Variants in SDK1 observed in about 807,000 individuals in gnomAD.
The protein encoded by SDK1 is protein sidekick-1.
A neutral mutation model predicts 245.5 loss-of-function variants in SDK1; 157 were observed. The observed-to-expected ratio is 0.64, with a 90% CI of 0.56 to 0.73. The LOEUF (loss-of-function observed/expected upper bound fraction) is 0.73. Ranked by LOEUF, SDK1 falls within the 30% of genes least tolerant of loss-of-function variation. The pLI, the probability that SDK1 is intolerant of heterozygous loss-of-function variation, is 0.00. For missense variants in SDK1, 3,583 were observed against 3,002.3 expected (o/e 1.19, Z -4.52); for synonymous variants, 1,647 against 1,278.5 (o/e 1.29, Z -6.15).
chr7:3,381,983 C>A (rs1041294531), intron 1 of SDK1, among the ~76,000 whole-genome samples: 1 of 152,194 alleles, frequency 6.6e-6, no homozygotes, highest in Non-Finnish European at 1.5e-5. Context: ...CTTAACCGTT[C>A]GTCTTAAAGT....
intron 1 of SDK1, among the ~76,000 whole-genome samples, chr7:3,589,036 C>G (rs982170451): frequency 6.6e-6 from 1 of 152,178 alleles, no homozygotes; most frequent in Non-Finnish European, 1.5e-5. Flanking sequence ...CATATTAGAT[C>G]AATATTAGCT....
intron 1 of SDK1, among the ~76,000 whole-genome samples, chr7:3,341,746 T>G (rs1297878849): frequency 6.6e-6 from 1 of 152,244 alleles, no homozygotes; most frequent in African/African-American, 2.4e-5. Context: ...GTAGGATATT[T>G]GTGCTGAAAA....
chr7:3,431,028 A>G (rs112244633), intron 1 of SDK1, among the ~76,000 whole-genome samples: 25,296 of 152,068 alleles, frequency 0.17, 3,454 homozygotes, highest in African/African-American at 0.38. Flanking sequence ...AGCCTCCTGA[A>G]TAGCTGAGAC....
chr7:3,318,020 C>T (rs912547216), intron 1 of SDK1, among the ~76,000 whole-genome samples: 18 of 152,154 alleles, frequency 1.2e-4, no homozygotes, highest in Non-Finnish European at 1.9e-4. Flanking sequence ...GAGGCTATCA[C>T]TGTTTCCAGT....
intron 25 of SDK1, among the ~76,000 whole-genome samples, chr7:4,116,481 C>A (rs1783718510): frequency 2.0e-5 from 3 of 152,190 alleles, no homozygotes; most frequent in African/African-American, 7.2e-5. Flanking sequence ...TGGATAAAGG[C>A]TCCTCTCATC....
intron 43 of SDK1, 123 bp from the exon 44 acceptor site, chr7:4,245,542 TTGCCAAAGTGA>T (rs1392722926): frequency 1.6e-4 from 159 of 1,012,134 alleles, no homozygotes; most frequent in Admixed American, 2.7e-4. Flanking sequence ...TTTGCATCAG[TTGCCAAAGTGA>T]TGTCAAAGGC....
chr7:3,694,889 A>G, intron 4 of SDK1, among the ~76,000 whole-genome samples: 1 of 152,204 alleles, frequency 6.6e-6, no homozygotes, highest in Non-Finnish European at 1.5e-5. Flanking sequence ...TAACAAACAC[A>G]CGTACAAACA....
chr7:3,811,601 A>G lies in SDK1; in HGVS notation c.714-9849A>G, dbSNP rs1779384790. Among the ~76,000 whole-genome samples, 10 of 152,088 alleles carry G rather than the reference A, an allele frequency of 6.6e-5. 1 individual carries two copies. The highest frequency in any genetic ancestry group is 6.5e-4 in the Admixed American group (10 of 15,268). ...GTCCCTCTGTGCCTCTTTTCTGACC[A>G]CCCACCAAAGCCCCTCTCTGCTGCT... On this transcript the variant is annotated intron_variant, in intron 4 of 44. Coordinates refer to ENST00000404826, the MANE Select transcript of SDK1 (RefSeq NM_152744.4).
intron 4 of SDK1, among the ~76,000 whole-genome samples, chr7:3,811,073 C>T (rs971282589): frequency 6.6e-6 from 1 of 152,254 alleles, no homozygotes; most frequent in South Asian, 2.1e-4. Context: ...TCTTACTTGC[C>T]AGTCACATTC....
At chr7:3,715,832 C>T (rs902446830) in intron 4 of SDK1, among the ~76,000 whole-genome samples, 1 of 152,120 alleles carries the variant, frequency 6.6e-6, no homozygotes, top group African/African-American at 2.4e-5. Context: ...AGTGAGTCAG[C>T]TGTTGCAATT....
At chr7:3,922,383 G>A (rs189709245) in intron 5 of SDK1, among the ~76,000 whole-genome samples, 5 of 152,290 alleles carry the variant, frequency 3.3e-5, no homozygotes, top group African/African-American at 1.2e-4. Flanking sequence ...GCTTGAAATC[G>A]GCTGTGCCGG....
At chr7:3,500,023 G>A (rs1321675225) in intron 1 of SDK1, among the ~76,000 whole-genome samples, 2 of 152,198 alleles carry the variant, frequency 1.3e-5, no homozygotes, top group Non-Finnish European at 2.9e-5. Context: ...ATTAGGACAA[G>A]TAGCCATAGG....
At chr7:3,992,053 G>T (rs555416424) in intron 14 of SDK1, among the ~76,000 whole-genome samples, 13 of 152,312 alleles carry the variant, frequency 8.5e-5, no homozygotes, top group South Asian at 4.1e-4. Flanking sequence ...TGTCCCTCCG[G>T]CTACTTGGGA....
chr7:3,680,941 C>T lies in SDK1; in HGVS notation c.713+38836C>T, dbSNP rs374843471. 1.2e-4 allele frequency among the ~76,000 whole-genome samples: 19 copies of T among 152,180 alleles called. 1 individual carries two copies. Among genetic ancestry groups the T allele is most frequent in the Admixed American group, 6.5e-4 (10 of 15,292 alleles). ...CACTGCAACCTCCACCTCCCGGGTT[C>T]AAGCGATTCTCCTGCCTCAGCCTCC... On this transcript the variant is annotated intron_variant, in intron 4 of 44. Transcript: ENST00000404826.
At chr7:3,647,109 C>T (rs533939113) in intron 4 of SDK1, among the ~76,000 whole-genome samples, 32 of 152,238 alleles carry the variant, frequency 2.1e-4, no homozygotes, top group Middle Eastern at 3.4e-3. Context: ...TCTTAGGCCA[C>T]GGATGGTGGC....
At chr7:4,058,564 C>G (rs1779339558) in intron 19 of SDK1, among the ~76,000 whole-genome samples, 1 of 152,142 alleles carries the variant, frequency 6.6e-6, no homozygotes, top group Admixed American at 6.5e-5. Context: ...GTCAAATTAT[C>G]AAAAGTTGAA....
chr7:3,826,710 C>T (rs1779784909), intron 5 of SDK1, among the ~76,000 whole-genome samples: 1 of 152,220 alleles, frequency 6.6e-6, no homozygotes, highest in African/African-American at 2.4e-5. Flanking sequence ...TCAGACCCTT[C>T]CTTGGGATAG....
intron 37 of SDK1, among the ~76,000 whole-genome samples, chr7:4,208,706 C>T (rs1480813506): frequency 6.6e-6 from 1 of 152,172 alleles, no homozygotes; most frequent in Non-Finnish European, 1.5e-5. Context: ...AAATCCAGGC[C>T]ACAGCGACGG....
chr7:3,649,593 A>G (rs183051050), intron 4 of SDK1, among the ~76,000 whole-genome samples: 5 of 152,226 alleles, frequency 3.3e-5, no homozygotes, highest in Admixed American at 1.3e-4. Flanking sequence ...AATAATAATA[A>G]TTAATGATTT....
Sources: gnomAD v4.1 joint callset for allele counts (sites outside exome capture counted in the v4.1 genomes callset) on GRCh38, gnomAD v4.1.1 for gene constraint, MANE v1.5 for transcripts, NCBI Gene and HGNC (gene_info 2026-07-23, HGNC 2026-07-21) for gene names.